Variants in BAHCC1 observed in about 807,000 individuals in gnomAD.
BAHCC1 encodes the protein BAH domain and coiled-coil containing 1, also known as BAH and coiled-coil domain-containing protein 1.
In BAHCC1, 43 loss-of-function variants were observed where a neutral mutation model predicts 88.2. The ratio of observed to expected loss-of-function variants is 0.49; its 90% CI spans 0.38 to 0.63. BAHCC1 has a LOEUF of 0.63. Ranked by LOEUF, BAHCC1 falls within the 20% of genes least tolerant of loss-of-function variation. The pLI is 0.00. For missense variants in BAHCC1, 3,023 were observed against 1,654.8 expected, an observed-to-expected ratio of 1.83 and a Z score of -14.34; for synonymous variants, 1,510 against 745.5, an observed-to-expected ratio of 2.03 and a Z score of -16.71.
chr17:81,413,097 T>C (rs1555648076), intron 2 of BAHCC1: 1 of 444,812 alleles, frequency 2.2e-6, no homozygotes, highest in South Asian at 1.6e-5. Context: ...AACACCAGGG[T>C]CCAGGGTTAT....
At chr17:81,432,680 C>G (rs1232517023) in intron 3 of BAHCC1, among the ~76,000 whole-genome samples, 2 of 83,896 alleles carry the variant, frequency 2.4e-5, no homozygotes, top group Admixed American at 2.1e-4. Flanking sequence ...CTCCCATCCC[C>G]GGGCCCACCC....
In BAHCC1 at chr17:81,456,342, C is replaced by T; in HGVS notation, c.4615C>T (p.Pro1539Ser). 1 of 723,326 alleles carries T rather than the reference C, an allele frequency of 1.4e-6. No homozygotes were observed. Among genetic ancestry groups the T allele is most frequent in the Non-Finnish European group, 2.6e-6 (1 of 388,534 alleles). The allele number at this position is 723,326 out of a possible 1,614,324, so 44.8% of individuals were successfully genotyped here. A position where few individuals can be genotyped will look rare whatever the true frequency, so the allele number is the denominator to read the frequency against. Reference sequence around the variant, plus strand: ...GAGCAGCTGTCAGGGCGGGCTGGCGCCCTCCGTGGCCCACAGGGTGGCCCA... The same window carrying T: ...GAGCAGCTGTCAGGGCGGGCTGGCGTCCTCCGTGGCCCACAGGGTGGCCCA... ...KKSSCQGGLA[P>S]SVAHRVAQLK... is the part of the protein sequence containing the mutation. The change falls in exon 16 of 28, where the codon CCC becomes TCC. Residue 1539 changes from proline (P) to serine (S), a missense_variant. Pro to Ser is a moderately conservative substitution (Grantham distance 74). Coordinates refer to ENST00000675386, the MANE Select transcript of BAHCC1 (RefSeq NM_001377448.1).
In BAHCC1 at chr17:81,405,483, TTTC is replaced by T. The variant is rs2063866873; in HGVS notation, c.178+5569_178+5571del. On this transcript the variant is annotated intron_variant, in intron 2 of 27. Transcript: ENST00000675386. The stretch of plus-strand genomic sequence containing the variant: ...TTTACTCCCTCCTCTTCCTTGGCTG[TTTC>T]TTAACTCAATCTGCCTCCCCCGCCC... 2.0e-5 allele frequency among the ~76,000 whole-genome samples: 3 copies of T among 152,192 alleles called. No homozygotes were observed. The South Asian group carries it at 6.2e-4, about 32-fold the overall frequency.
Position 81,456,633 on chromosome 17 carries a change from C to A in BAHCC1, c.4858+48C>A. ...CACTGCCAGGAGCCCCGGTCATGGT[C>A]GCTCGGGGGCTGGAGGAGGGGGCGG... On this transcript the variant is annotated intron_variant, in intron 16 of 27. Coordinates refer to ENST00000675386, the MANE Select transcript of BAHCC1 (RefSeq NM_001377448.1). 3 of 666,014 alleles carry A rather than the reference C, an allele frequency of 4.5e-6. No homozygotes were observed. The South Asian group carries it at 4.9e-5, about 11-fold the overall frequency. 41.3% of individuals were successfully genotyped at this position (666,014 alleles called of 1,614,324 possible).
In BAHCC1 at chr17:81,442,413, C is replaced by CGCCCCT; in HGVS notation, c.1065_1070dup (p.Pro356_Leu357dup). 1.4e-6 allele frequency: 1 copy of CGCCCCT among 695,952 alleles called. No individual in the cohort carries two copies. The highest frequency in any genetic ancestry group is 2.7e-5 in the East Asian group (1 of 37,100). The allele number at this position is 695,952 out of a possible 1,614,324, so 43.1% of individuals were successfully genotyped here. On this transcript the variant is annotated inframe_insertion, in exon 5 of 28. Transcript: ENST00000675386. ...ACCGCATCCTACGCCGGGCCACCCC[C>CGCCCCT]GCCCCTCAGCACAGCCGCCGGCTCC...
intron 1 of BAHCC1, among the ~76,000 whole-genome samples, chr17:81,398,578 T>C (rs1567988802): frequency 6.7e-6 from 1 of 150,340 alleles, no homozygotes; most frequent in Non-Finnish European, 1.5e-5. Flanking sequence ...TTTGGGCCGT[T>C]GAGAGAGAGC....
At chr17:81,439,126 G>A (rs1304619136) in intron 4 of BAHCC1, among the ~76,000 whole-genome samples, 4 of 152,200 alleles carry the variant, frequency 2.6e-5, no homozygotes, top group African/African-American at 9.7e-5. Flanking sequence ...GCAGAGCCGA[G>A]TCCTGGTGCC....
intron 4 of BAHCC1, among the ~76,000 whole-genome samples, chr17:81,440,822 A>G (rs1555652381): frequency 6.6e-6 from 1 of 152,044 alleles, no homozygotes; most frequent in East Asian, 1.9e-4. Context: ...GCCTTTCTCC[A>G]TTTCAACATA....
chr17:81,459,506 T>C lies in BAHCC1; in HGVS notation c.5807T>C (p.Val1936Ala). ...EQLLQEAVLD[V>A]RPQSSRYLPP... The stretch of plus-strand genomic sequence containing the variant: ...CCCGCGTTCCTGCAGGTTCTCGATG[T>C]GCGGCCACAGTCCAGCCGGTACCTC... The change falls in exon 23 of 28, where the codon GTG (valine) becomes GCG (alanine). Residue 1936 changes from valine to alanine, a missense_variant. Physicochemically the swap from Val to Ala is moderately conservative, Grantham distance 64. Coordinates refer to ENST00000675386, the MANE Select transcript of BAHCC1 (RefSeq NM_001377448.1). The C allele has an allele frequency of 1.3e-6, 1 of 779,340 alleles. No homozygotes were observed. The highest frequency in any genetic ancestry group is 2.4e-6 in the Non-Finnish European group (1 of 417,840). 48.3% of individuals were successfully genotyped at this position (779,340 alleles called of 1,614,324 possible). A position where few individuals can be genotyped will look rare whatever the true frequency, so the allele number is the denominator to read the frequency against.
chr17:81,445,050 A>C lies in BAHCC1; in HGVS notation c.2707A>C (p.Met903Leu), dbSNP rs782396635. 2.6e-6 allele frequency: 2 copies of C among 765,928 alleles called. No individual in the cohort carries two copies. Among genetic ancestry groups the C allele is most frequent in the East Asian group, 2.5e-5 (1 of 40,614 alleles). 47.4% of individuals were successfully genotyped at this position (765,928 alleles called of 1,614,324 possible). ...VMDQASLWPPMYGGRGPASHM... is the reference protein window; with the variant it reads ...VMDQASLWPPLYGGRGPASHM... ...GGACCAGGCGTCACTGTGGCCCCCCATGTACGGGGGCCGGGGCCCCGCCTC... is the reference window on the plus strand; with the variant it reads ...GGACCAGGCGTCACTGTGGCCCCCCCTGTACGGGGGCCGGGGCCCCGCCTC... Residue 903 changes from methionine to leucine, a missense_variant, in exon 9 of 28, where the codon ATG (methionine) becomes CTG (leucine). Met to Leu is a conservative substitution (Grantham distance 15). Transcript: ENST00000675386.
chr17:81,462,805 C>T lies in BAHCC1; in HGVS notation c.7449C>T (p.Thr2483=). The change falls in exon 27 of 28, where the codon ACC becomes ACT. Residue 2483 remains threonine, a synonymous_variant. Transcript: ENST00000675386. ...AGGCCATCGTGCGGGGCGAGGAGAC[C>T]CTGCGTGTCGGGGACTGTGCCGTCT... The part of the protein sequence containing the change: ...FYKAIVRGEE[T]LRVGDCAVFL... The T allele has an allele frequency of 1.3e-6, 1 of 780,282 alleles. No individual in the cohort carries two copies. The highest frequency in any genetic ancestry group is 2.4e-5 in the East Asian group (1 of 41,246). 48.3% of individuals were successfully genotyped at this position (780,282 alleles called of 1,614,324 possible). A position where few individuals can be genotyped will look rare whatever the true frequency, so the allele number is the denominator to read the frequency against.
chr17:81,439,788 G>T (rs1555652230), intron 4 of BAHCC1, among the ~76,000 whole-genome samples: 1 of 152,104 alleles, frequency 6.6e-6, no homozygotes, highest in Non-Finnish European at 1.5e-5. Context: ...ACAGAGGGAG[G>T]GGACCCCAGT....
chr17:81,431,955 G>A (rs1286220634), intron 3 of BAHCC1, among the ~76,000 whole-genome samples: 6 of 152,206 alleles, frequency 3.9e-5, no homozygotes, highest in Non-Finnish European at 7.4e-5. Flanking sequence ...CGCAGGACAG[G>A]GCAGGACTGT....
intron 14 of BAHCC1, among the ~76,000 whole-genome samples, chr17:81,454,792 C>T (rs1344500861): frequency 1.3e-5 from 2 of 152,150 alleles, no homozygotes; most frequent in African/African-American, 4.8e-5. Context: ...AAGGCTGGGG[C>T]TGCAGCCCCA....
intron 4 of BAHCC1, 113 bp from the exon 5 acceptor site, chr17:81,441,718 C>T (rs1245097702): frequency 1.3e-5 from 6 of 475,754 alleles, no homozygotes; most frequent in Non-Finnish European, 1.9e-5. Flanking sequence ...AGGCTGTAAC[C>T]TGGAGTCAGT....
chr17:81,438,245 C>T (rs1314681831), intron 3 of BAHCC1, 125 bp from the exon 4 acceptor site: 11 of 666,072 alleles, frequency 1.7e-5, no homozygotes, highest in Middle Eastern at 5.3e-4. Context: ...CCGGCGGCTG[C>T]GTGCTGGGCT....
chr17:81,405,668 T>G (rs983252998), intron 2 of BAHCC1, among the ~76,000 whole-genome samples: 2 of 152,218 alleles, frequency 1.3e-5, no homozygotes, highest in Admixed American at 1.3e-4. Context: ...ATAAATACTT[T>G]CCTGGTGGAA....
chr17:81,445,800 C>T, intron 10 of BAHCC1, 119 bp downstream of exon 10: 1 of 627,424 alleles, frequency 1.6e-6, no homozygotes, highest in South Asian at 1.9e-5. Flanking sequence ...TGCCCAGACC[C>T]AGGGCAGCAT....
rs1281289999 is a variant in BAHCC1, at chr17:81,461,640, C to G, written c.6977C>G (p.Ser2326Cys). 2 of 738,302 alleles carry G rather than the reference C, an allele frequency of 2.7e-6. No homozygotes were observed. The highest frequency in any genetic ancestry group is 5.0e-6 in the Non-Finnish European group (2 of 396,950). 45.7% of individuals were successfully genotyped at this position (738,302 alleles called of 1,614,324 possible). A position where few individuals can be genotyped will look rare whatever the true frequency, so the allele number is the denominator to read the frequency against. Residue 2326 changes from serine (S) to cysteine (C), a missense_variant, in exon 26 of 28, where the codon TCC (serine) becomes TGC (cysteine). Physicochemically the swap from Ser to Cys is moderately radical, Grantham distance 112. Coordinates refer to ENST00000675386, the MANE Select transcript of BAHCC1 (RefSeq NM_001377448.1). The part of the protein sequence containing the change: ...VSSSSSGSST[S>C]SSSGSVSTSS... ...TCTTCCTCCTCTGGCTCGTCCACCT[C>G]CTCCTCCTCAGGCTCCGTGTCCACC...
Sources: allele counts gnomAD v4.1 joint callset (sites outside exome capture counted in the v4.1 genomes callset), GRCh38; gene constraint gnomAD v4.1.1; transcripts MANE v1.5; gene names NCBI Gene and HGNC (gene_info 2026-07-23, HGNC 2026-07-21).